The following SLCO3A1 variants were observed in gnomAD, a reference collection of about 807,000 sequenced individuals.
SLCO3A1 encodes solute carrier organic anion transporter family member 3A1.
In SLCO3A1, 27 loss-of-function variants were observed where a neutral mutation model predicts 63.1. The observed-to-expected ratio is 0.43, with a 90% CI of 0.32 to 0.59. The LOEUF is 0.59. Ranked by LOEUF, SLCO3A1 falls within the 20% of genes least tolerant of loss-of-function variation. The probability of loss-of-function intolerance (pLI) is 0.09; values close to 1 mark genes in which losing one functional copy is unlikely to be tolerated. For synonymous variants in SLCO3A1, 473 were observed against 409.9 expected, an observed-to-expected ratio of 1.15 and a Z score of -1.86; for missense variants, 773 against 945.8, an observed-to-expected ratio of 0.82 and a Z score of 2.40.
intron 1 of SLCO3A1, among the ~76,000 whole-genome samples, chr15:91,871,392 C>T (rs1407462660): frequency 6.6e-6 from 1 of 152,158 alleles, no homozygotes; most frequent in Non-Finnish European, 1.5e-5. Flanking sequence ...ACTGCACACC[C>T]TCTGGCAGTA....
intron 2 of SLCO3A1, among the ~76,000 whole-genome samples, chr15:91,966,713 G>A (rs1372975272): frequency 3.3e-5 from 5 of 152,204 alleles, no homozygotes; most frequent in African/African-American, 7.2e-5. Flanking sequence ...TCAGATCCCA[G>A]TTAACCTGGT....
chr15:92,048,023 C>G (rs1463456534), intron 2 of SLCO3A1, among the ~76,000 whole-genome samples: 1 of 152,000 alleles, frequency 6.6e-6, no homozygotes, highest in Non-Finnish European at 1.5e-5. Context: ...TCTCTCTGCC[C>G]CTAATAGACC....
intron 2 of SLCO3A1, among the ~76,000 whole-genome samples, chr15:92,088,992 CTTTATTTATTTATTTATTA>C (rs1227528209): frequency 1.3e-5 from 2 of 149,548 alleles, no homozygotes; most frequent in Non-Finnish European, 3.0e-5. Context: ...CTTACCCCAG[CTTTATTTATTTATTTATTA>C]TTTATTTATT....
At chr15:91,976,518 G>A (rs1483144908) in intron 2 of SLCO3A1, among the ~76,000 whole-genome samples, 1 of 152,248 alleles carries the variant, frequency 6.6e-6, no homozygotes, top group African/African-American at 2.4e-5. Flanking sequence ...CATTCTGTAC[G>A]TGCCATTGGG....
At chr15:92,165,962 A>G (rs1210668361), downstream of SLCO3A1, 12 of 904,266 alleles carry the variant, frequency 1.3e-5, no homozygotes, top group Non-Finnish European at 1.3e-5. Flanking sequence ...GAACATGCCC[A>G]GGGTGGATGA....
intron 2 of SLCO3A1, among the ~76,000 whole-genome samples, chr15:92,028,908 A>AGTTGTGTGTGTGTGTGT (rs2046609965): frequency 8.3e-6 from 1 of 120,072 alleles, no homozygotes; most frequent in South Asian, 3.3e-4. Context: ...TGCAGGCACA[A>AGTTGTGTGTGTGTGTGT]GTGTGTGTGT....
intron 2 of SLCO3A1, among the ~76,000 whole-genome samples, chr15:91,973,446 A>G: frequency 6.6e-6 from 1 of 152,234 alleles, no homozygotes; most frequent in East Asian, 1.9e-4. Flanking sequence ...AATTATCTTT[A>G]GTTGGTGGCT....
At chr15:91,915,685 G>C (rs563332862) in intron 1 of SLCO3A1, among the ~76,000 whole-genome samples, 9 of 152,220 alleles carry the variant, frequency 5.9e-5, no homozygotes, top group Admixed American at 2.0e-4. Context: ...GGAGGTCTGT[G>C]GGGGTGGGGA....
intron 7 of SLCO3A1, among the ~76,000 whole-genome samples, chr15:92,134,823 G>T (rs775039674): frequency 6.6e-6 from 1 of 152,158 alleles, no homozygotes; most frequent in Non-Finnish European, 1.5e-5. Flanking sequence ...AAGCAGCTGT[G>T]TAGACAAATC....
chr15:91,916,291 G>A lies in SLCO3A1; in HGVS notation c.479G>A (p.Gly160Glu), dbSNP rs1412781777. ...CAANGSGGDE[G>E]PDPDLICRNR... ...GCCAACGGCTCGGGCGGCGACGAGG[G>A]GCCCGACCCCGACCTCATCTGCCGC... The change falls in exon 2 of 10, where the codon GGG becomes GAG. Residue 160 changes from glycine (G) to glutamate (E), a missense_variant. This residue lies in a region of SLCO3A1 where 565 missense variants were observed against 749.8 expected (regional missense o/e 0.75). Transcript: ENST00000318445. The surrounding 1 kb of genome is among the most constrained non-coding windows in gnomAD (Gnocchi z 6.2). 1 of 1,558,240 alleles carries A rather than the reference G, an allele frequency of 6.4e-7. No individual in the cohort carries two copies. The highest frequency in any genetic ancestry group is 1.2e-5 in the South Asian group (1 of 85,572).
chr15:92,082,397 G>A (rs1015291205), intron 2 of SLCO3A1, among the ~76,000 whole-genome samples: 3 of 152,200 alleles, frequency 2.0e-5, no homozygotes, highest in African/African-American at 7.2e-5. Context: ...AGGAAGTGGA[G>A]GCCAAGGATG....
At chr15:91,952,581 A>G (rs1241201809) in intron 2 of SLCO3A1, among the ~76,000 whole-genome samples, 2 of 152,246 alleles carry the variant, frequency 1.3e-5, no homozygotes, top group Non-Finnish European at 2.9e-5. Flanking sequence ...GCAAAGATGC[A>G]GGATTGCATG....
chr15:92,133,291 AG>A (rs2048018513), intron 7 of SLCO3A1, among the ~76,000 whole-genome samples: 1 of 146,660 alleles, frequency 6.8e-6, no homozygotes, highest in Non-Finnish European at 1.5e-5. Context: ...TTCTTGAAAA[AG>A]GTCAGCATCT....
intron 1 of SLCO3A1, among the ~76,000 whole-genome samples, chr15:91,884,201 A>C (rs934911435): frequency 6.6e-6 from 1 of 152,284 alleles, no homozygotes; most frequent in East Asian, 1.9e-4. Context: ...TGAAAGTGGC[A>C]ACACTGGACA....
chr15:92,074,890 C>T (rs1282120696), intron 2 of SLCO3A1, among the ~76,000 whole-genome samples: 2 of 152,170 alleles, frequency 1.3e-5, no homozygotes, highest in East Asian at 3.8e-4. Context: ...TACTTCACAC[C>T]CGTGGCATAG....
intron 2 of SLCO3A1, among the ~76,000 whole-genome samples, chr15:91,987,251 CT>C (rs973628041): frequency 5.3e-5 from 8 of 152,186 alleles, no homozygotes; most frequent in South Asian, 2.1e-4. Flanking sequence ...ATACATCTGC[CT>C]TTTTTTCCCC....
chr15:92,128,294 C>T lies in SLCO3A1; in HGVS notation c.1374-57C>T, dbSNP rs2047949886. 25 of 1,606,290 alleles carry T rather than the reference C, an allele frequency of 1.6e-5. No individual in the cohort carries two copies. The South Asian group carries it at 2.4e-4, about 16-fold the overall frequency. Reference sequence around the variant, plus strand: ...AGAGGCAAAAGGCTGTCACTGGGGGCATCTGATTCCGAATTGACCTGTTTC... The same window carrying T: ...AGAGGCAAAAGGCTGTCACTGGGGGTATCTGATTCCGAATTGACCTGTTTC... On this transcript the variant is annotated intron_variant, in intron 6 of 9. Coordinates refer to ENST00000318445, the MANE Select transcript of SLCO3A1 (RefSeq NM_013272.4).
chr15:92,084,021 G>A (rs923578111), intron 2 of SLCO3A1, among the ~76,000 whole-genome samples: 5 of 152,132 alleles, frequency 3.3e-5, no homozygotes, highest in Admixed American at 6.6e-5. Context: ...GCCTCTCTAC[G>A]CTTGGTTTAT....
intron 2 of SLCO3A1, among the ~76,000 whole-genome samples, chr15:92,019,431 C>A (rs2046479556): frequency 6.6e-6 from 1 of 152,204 alleles, no homozygotes. Flanking sequence ...ACTTTCTTCC[C>A]CTTCACCCCC....
Sources: allele counts gnomAD v4.1 joint callset (sites outside exome capture counted in the v4.1 genomes callset), GRCh38; gene constraint gnomAD v4.1.1; regional missense constraint gnomAD v4.1.1; non-coding constraint Gnocchi (gnomAD v3.1); transcripts MANE v1.5; gene names NCBI Gene and HGNC (gene_info 2026-07-23, HGNC 2026-07-21).